The following PCSK5 variants were observed in gnomAD, a reference collection of about 807,000 sequenced individuals.
PCSK5 encodes prohormone convertase 5.
In PCSK5, 129 loss-of-function variants were observed where a neutral mutation model predicts 233.2. The observed-to-expected ratio is 0.55, with a 90% CI of 0.48 to 0.64. PCSK5 has a LOEUF of 0.64. Among genes scored for constraint, PCSK5 ranks in the 30% least tolerant of loss-of-function variants. PCSK5 has a pLI of 0.00. For missense variants in PCSK5, 2,076 were observed against 2,430.1 expected (o/e 0.85, Z 3.06); for synonymous variants, 825 against 879.2 (o/e 0.94, Z 1.09).
intron 5 of PCSK5, among the ~76,000 whole-genome samples, chr9:76,062,132 T>G (rs989693373): frequency 3.3e-5 from 5 of 152,060 alleles, no homozygotes; most frequent in Admixed American, 2.0e-4. Context: ...CCTGTAGTCC[T>G]GGCTACTCAA....
At chr9:76,205,469 G>A (rs1825077757) in intron 20 of PCSK5, among the ~76,000 whole-genome samples, 2 of 152,172 alleles carry the variant, frequency 1.3e-5, no homozygotes, top group South Asian at 2.1e-4. Context: ...TCTTTATGAG[G>A]CCAGCAGAAC....
chr9:76,264,778 G>A (rs1036706076), intron 24 of PCSK5, among the ~76,000 whole-genome samples: 1 of 152,152 alleles, frequency 6.6e-6, no homozygotes, highest in African/African-American at 2.4e-5. Flanking sequence ...CCCTGTTGGT[G>A]TGAATGTAAA....
intron 3 of PCSK5, among the ~76,000 whole-genome samples, chr9:76,018,807 G>A (rs55703261): frequency 0.032 from 4,908 of 152,304 alleles, 179 homozygotes; most frequent in Admixed American, 0.11. Flanking sequence ...TTAAACAACT[G>A]TATTCCACTT....
intron 13 of PCSK5, among the ~76,000 whole-genome samples, chr9:76,172,901 A>G (rs980392330): frequency 2.0e-5 from 3 of 152,134 alleles, no homozygotes; most frequent in African/African-American, 7.2e-5. Flanking sequence ...CCATACATAA[A>G]CCGATTGTAC....
In PCSK5 at chr9:76,184,764, G is replaced by A. The variant is rs757171302; in HGVS notation, c.2282+7G>A. 217 of 1,552,372 alleles carry A rather than the reference G, an allele frequency of 1.4e-4. No homozygotes were observed. The highest frequency in any genetic ancestry group is 1.0e-3 in the Middle Eastern group (6 of 5,944). On this transcript the variant is annotated splice_region_variant and intron_variant, in intron 17 of 37. Coordinates refer to ENST00000674117, the MANE Select transcript of PCSK5 (RefSeq NM_001372043.1). ...AATGTAGGGATGGGTTAAGGTAAGA[G>A]AGTGAAGGATTTTATCAAGTAACAC...
At chr9:76,022,055 C>T (rs79969104) in intron 3 of PCSK5, among the ~76,000 whole-genome samples, 1,647 of 152,324 alleles carry the variant, frequency 0.011, 37 homozygotes, top group South Asian at 0.058. Flanking sequence ...CTCCTTCTCA[C>T]ATTTCACGTT....
chr9:76,302,291 A>AC, intron 28 of PCSK5, 74 bp downstream of exon 28: 2 of 689,546 alleles, frequency 2.9e-6, no homozygotes, highest in Non-Finnish European at 4.4e-6. Flanking sequence ...TGGAGAAATC[A>AC]CCCCAAGAAG....
At chr9:75,912,615 G>A (rs1025545477) in intron 1 of PCSK5, among the ~76,000 whole-genome samples, 1 of 152,172 alleles carries the variant, frequency 6.6e-6, no homozygotes, top group Non-Finnish European at 1.5e-5. Flanking sequence ...TTGCAGACTT[G>A]CATGCACAGT....
chr9:75,916,730 G>T (rs1823015694), intron 1 of PCSK5, among the ~76,000 whole-genome samples: 2 of 152,098 alleles, frequency 1.3e-5, no homozygotes, highest in South Asian at 4.1e-4. Context: ...TGTTAGACAG[G>T]TAAATGGGAG....
chr9:76,310,401 G>GC (rs1041435286), intron 29 of PCSK5, among the ~76,000 whole-genome samples: 3 of 152,110 alleles, frequency 2.0e-5, no homozygotes, highest in African/African-American at 7.2e-5. Context: ...GATCAACTGG[G>GC]CAAAAGGAAG....
intron 10 of PCSK5, among the ~76,000 whole-genome samples, chr9:76,137,093 C>G (rs1056237055): frequency 6.6e-6 from 1 of 152,062 alleles, no homozygotes; most frequent in Non-Finnish European, 1.5e-5. Context: ...CAGACTTGAT[C>G]CATTCTTACC....
chr9:76,173,100 C>CCT (rs1295678811), intron 13 of PCSK5, among the ~76,000 whole-genome samples: 2 of 152,206 alleles, frequency 1.3e-5, no homozygotes, highest in Non-Finnish European at 2.9e-5. Flanking sequence ...AAGTTACCAA[C>CCT]CTCTGTAGCT....
intron 11 of PCSK5, among the ~76,000 whole-genome samples, chr9:76,158,651 A>C (rs967965400): frequency 6.6e-6 from 1 of 152,136 alleles, no homozygotes; most frequent in Non-Finnish European, 1.5e-5. Context: ...TAGAAATGCA[A>C]ATTCTTGAGA....
intron 1 of PCSK5, among the ~76,000 whole-genome samples, chr9:75,923,283 G>A (rs1823332756): frequency 6.6e-6 from 1 of 152,174 alleles, no homozygotes; most frequent in African/African-American, 2.4e-5. Context: ...GGGTTGTTGG[G>A]AAGATTAGAC....
At chr9:76,119,897 A>G (rs1450000642) in intron 9 of PCSK5, among the ~76,000 whole-genome samples, 2 of 151,800 alleles carry the variant, frequency 1.3e-5, no homozygotes, top group African/African-American at 4.8e-5. Context: ...ATTCTTTCTA[A>G]CTATTATTTT....
chr9:76,060,006 A>C (rs1829968616), intron 5 of PCSK5, among the ~76,000 whole-genome samples: 1 of 152,232 alleles, frequency 6.6e-6, no homozygotes, highest in African/African-American at 2.4e-5. Context: ...GACTTTCAAG[A>C]GCCAAAAGAC....
Position 76,053,843 on chromosome 9 carries a change from T to A in PCSK5, c.633-14112T>A, listed in dbSNP as rs141864743. Among the ~76,000 whole-genome samples, 123 of 152,304 alleles carry A rather than the reference T, an allele frequency of 8.1e-4. 2 individuals are homozygous for A. The East Asian group carries it at 0.021, about 27-fold the overall frequency. ...CCTGTTATACAGTTCCAAAGTCACT[T>A]CCACAGTTTCGGGTATCTTTACAGC... On this transcript the variant is annotated intron_variant, in intron 5 of 37. Transcript: ENST00000674117.
chr9:76,308,904 A>C (rs1158789418), intron 29 of PCSK5, among the ~76,000 whole-genome samples, 176 bp downstream of exon 29: 1 of 152,142 alleles, frequency 6.6e-6, no homozygotes, highest in Non-Finnish European at 1.5e-5. Context: ...CCAATAATAA[A>C]AACTGGCTTT....
intron 20 of PCSK5, among the ~76,000 whole-genome samples, chr9:76,214,312 A>G (rs1210592040): frequency 2.0e-5 from 3 of 150,756 alleles, no homozygotes; most frequent in African/African-American, 4.8e-5. Context: ...ACACACGTGC[A>G]CACACACACA....
Sources: gnomAD v4.1 joint callset for allele counts (sites outside exome capture counted in the v4.1 genomes callset) on GRCh38, gnomAD v4.1.1 for gene constraint, MANE v1.5 for transcripts, NCBI Gene and HGNC (gene_info 2026-07-23, HGNC 2026-07-21) for gene names.